Variants in MCU observed in about 807,000 individuals in gnomAD.
MCU encodes mitochondrial calcium uniporter.
MCU carries 12 observed loss-of-function variants against 45.2 expected under a neutral mutation model. The ratio of observed to expected loss-of-function variants is 0.27; its 90% confidence interval spans 0.17 to 0.43. The LOEUF (loss-of-function observed/expected upper bound fraction) is 0.43, where lower values mean the gene tolerates loss of function less well. Among genes scored for constraint, MCU ranks in the 20% least tolerant of loss-of-function variants. The pLI is 1.00. For missense variants in MCU, 324 were observed against 436.7 expected (o/e 0.74, Z 2.30); for synonymous variants, 160 against 165.1 (o/e 0.97, Z 0.24).
intron 1 of MCU, among the ~76,000 whole-genome samples, chr10:72,798,414 A>G (rs1332718148): frequency 6.6e-6 from 1 of 151,838 alleles, no homozygotes; most frequent in Non-Finnish European, 1.5e-5. Context: ...GCCGCAGCCT[A>G]CCAGGTAGCT....
At chr10:72,768,834 C>T (rs934929898) in intron 1 of MCU, among the ~76,000 whole-genome samples, 22 of 152,124 alleles carry the variant, frequency 1.4e-4, no homozygotes, top group African/African-American at 4.8e-4. Flanking sequence ...TATTCCAAGC[C>T]GCTGACACAT....
chr10:72,861,656 ATTTTTT>A (rs760388938), intron 4 of MCU: 4 of 329,736 alleles, frequency 1.2e-5, no homozygotes, highest in East Asian at 1.1e-4. Flanking sequence ...CGCCAGGCTA[ATTTTTT>A]TTTTTTTTTT....
At chr10:72,802,021 T>C (rs1163433901) in intron 1 of MCU, among the ~76,000 whole-genome samples, 1 of 152,218 alleles carries the variant, frequency 6.6e-6, no homozygotes, top group Non-Finnish European at 1.5e-5. Flanking sequence ...GCATTTCCTT[T>C]AAGCCACCTA....
intron 2 of MCU, among the ~76,000 whole-genome samples, chr10:72,838,578 G>A (rs1844991124): frequency 6.6e-6 from 1 of 152,142 alleles, no homozygotes; most frequent in African/African-American, 2.4e-5. Context: ...CAAGGCGACA[G>A]TGAGCTTTGA....
At chr10:72,803,117 C>T (rs1844367567) in intron 1 of MCU, among the ~76,000 whole-genome samples, 4 of 152,170 alleles carry the variant, frequency 2.6e-5, no homozygotes, top group South Asian at 2.1e-4. Context: ...AGCAAAATTA[C>T]GTGGGTTTTT....
chr10:72,808,916 C>T (rs11593922), intron 1 of MCU, among the ~76,000 whole-genome samples: 55 of 152,134 alleles, frequency 3.6e-4, no homozygotes, highest in African/African-American at 1.3e-3. Context: ...GTCCCCCTAC[C>T]GAAATTGGGA....
chr10:72,711,280 G>GTGCGATCTCGGCTCGC (rs1491457705), intron 1 of MCU, among the ~76,000 whole-genome samples: 6 of 150,206 alleles, frequency 4.0e-5, no homozygotes, highest in East Asian at 2.0e-4. Context: ...GAGTGCAGTG[G>GTGCGATCTCGGCTCGC]TGCGATCTCG....
chr10:72,692,722 G>A (rs1425727359), intron 1 of MCU: 2 of 1,258,618 alleles, frequency 1.6e-6, no homozygotes, highest in African/African-American at 1.5e-5. Flanking sequence ...CTGAGTTGCC[G>A]CGGCCGCCTT....
At chr10:72,701,174 A>G (rs1842754541) in intron 1 of MCU, among the ~76,000 whole-genome samples, 2 of 152,258 alleles carry the variant, frequency 1.3e-5, no homozygotes, top group African/African-American at 4.8e-5. Flanking sequence ...ATAAGAGAGC[A>G]TATAGGTTAG....
At chr10:72,706,638 AG>A (rs1842824216) in intron 1 of MCU, among the ~76,000 whole-genome samples, 1 of 151,712 alleles carries the variant, frequency 6.6e-6, no homozygotes, top group African/African-American at 2.4e-5. Context: ...CCTGGGTTCA[AG>A]CGATTCTCCT....
chr10:72,708,160 T>C (rs1842847550), intron 1 of MCU: 2 of 152,168 alleles, frequency 1.3e-5, no homozygotes, highest in Admixed American at 1.3e-4. Flanking sequence ...TTTAAGACAG[T>C]TTTCATAATT....
intron 2 of MCU, among the ~76,000 whole-genome samples, chr10:72,854,898 C>G (rs988976568): frequency 1.3e-5 from 2 of 152,062 alleles, no homozygotes; most frequent in Non-Finnish European, 2.9e-5. Flanking sequence ...AATACCTCAG[C>G]CTTTACAGAA....
At chr10:72,799,029 C>T (rs548844258) in intron 1 of MCU, among the ~76,000 whole-genome samples, 36 of 152,180 alleles carry the variant, frequency 2.4e-4, no homozygotes, top group Admixed American at 2.3e-3. Context: ...CAGGTTCAAG[C>T]GATTCTCCTG....
chr10:72,785,154 C>T (rs752567791), intron 1 of MCU, among the ~76,000 whole-genome samples: 2 of 152,158 alleles, frequency 1.3e-5, no homozygotes, highest in Non-Finnish European at 2.9e-5. Flanking sequence ...ACACAGTCGG[C>T]GAAGCAAGTG....
chr10:72,772,010 C>T (rs868436113), intron 1 of MCU, among the ~76,000 whole-genome samples: 6 of 152,330 alleles, frequency 3.9e-5, no homozygotes, highest in Middle Eastern at 6.8e-3. Flanking sequence ...AGGTAGTCAG[C>T]GAACTTCCCC....
intron 1 of MCU, among the ~76,000 whole-genome samples, chr10:72,797,552 TGAGATGGAGTCTCAC>T (rs1844269579): frequency 6.7e-6 from 1 of 148,508 alleles, no homozygotes; most frequent in Non-Finnish European, 1.5e-5. Context: ...TTTTTTTTTT[TGAGATGGAGTCTCAC>T]TCTGTTGCCA....
chr10:72,801,230 C>G (rs562437983), intron 1 of MCU, among the ~76,000 whole-genome samples: 1 of 151,870 alleles, frequency 6.6e-6, no homozygotes, highest in Non-Finnish European at 1.5e-5. Flanking sequence ...TAGTACTTTT[C>G]GTGTTATTAT....
chr10:72,769,044 T>C (rs1256652288), intron 1 of MCU, among the ~76,000 whole-genome samples: 4 of 151,828 alleles, frequency 2.6e-5, no homozygotes, highest in Non-Finnish European at 2.9e-5. Context: ...TTAAGAGATA[T>C]AGTCTTGGTA....
chr10:72,711,986 A>G (rs1842900999), intron 1 of MCU, among the ~76,000 whole-genome samples: 1 of 151,378 alleles, frequency 6.6e-6, no homozygotes, highest in South Asian at 2.1e-4. Context: ...TGTTGGGATT[A>G]CAGGCATGAG....
Sources: gnomAD v4.1 joint callset for allele counts (sites outside exome capture counted in the v4.1 genomes callset) on GRCh38, gnomAD v4.1.1 for gene constraint, MANE v1.5 for transcripts, NCBI Gene and HGNC (gene_info 2026-07-23, HGNC 2026-07-21) for gene names.